Variants in RBFOX1 observed in about 807,000 individuals in gnomAD.
RBFOX1 encodes the protein RNA binding fox-1 homolog 1.
Under a neutral mutation model 57.7 loss-of-function variants are expected in RBFOX1, and 8 were observed. The ratio of observed to expected loss-of-function variants is 0.14; its 90% CI spans 0.08 to 0.25. The LOEUF is 0.25. RBFOX1 is among the 10% of genes least tolerant of loss of function. RBFOX1 has a pLI of 1.00. For missense variants in RBFOX1, 611 were observed against 548.5 expected (o/e 1.11, Z -1.14); for synonymous variants, 326 against 222.4 (o/e 1.47, Z -4.15).
chr16:5,982,911 G>A (rs2060202202), intron 4 of RBFOX1, among the ~76,000 whole-genome samples: 1 of 152,192 alleles, frequency 6.6e-6, no homozygotes, highest in Admixed American at 6.5e-5. Flanking sequence ...TGAATCATGA[G>A]TGAATGAATG....
At chr16:6,330,947 A>G (rs2082948817) in intron 2 of RBFOX1, among the ~76,000 whole-genome samples, 3 of 152,186 alleles carry the variant, frequency 2.0e-5, no homozygotes, top group South Asian at 4.1e-4. Flanking sequence ...CTAGAAGGGG[A>G]CATAGGATGG....
In RBFOX1 at chr16:7,519,801, T is replaced by G. The variant is rs949435078; in HGVS notation, c.270+1412T>G. 4.8e-6 allele frequency: 4 copies of G among 837,078 alleles called. No homozygotes were observed. The African/African-American group carries it at 7.4e-5, about 15-fold the overall frequency. 51.9% of individuals were successfully genotyped at this position (837,078 alleles called of 1,614,324 possible). A position where few individuals can be genotyped will look rare whatever the true frequency, so the allele number is the denominator to read the frequency against. Reference sequence around the variant, plus strand: ...TTTATGGCTTTGAAGCATGATACATTTCCTGTGATAAAAGAAAACACTGAC... The same window carrying G: ...TTTATGGCTTTGAAGCATGATACATGTCCTGTGATAAAAGAAAACACTGAC... On this transcript the variant is annotated intron_variant, in intron 5 of 15. Transcript: ENST00000550418.
At chr16:5,723,436 T>A (rs879121680) in intron 3 of RBFOX1, among the ~76,000 whole-genome samples, 2 of 86,290 alleles carry the variant, frequency 2.3e-5, no homozygotes, top group African/African-American at 6.9e-5. Flanking sequence ...AGGTCTGATT[T>A]TGAGACCTTT....
At chr16:5,536,081 C>T (rs1265261423) in intron 2 of RBFOX1, among the ~76,000 whole-genome samples, 1 of 144,702 alleles carries the variant, frequency 6.9e-6, no homozygotes, top group African/African-American at 2.6e-5. Context: ...GCTGAGAAGT[C>T]CCCAAGTCAT....
intron 2 of RBFOX1, among the ~76,000 whole-genome samples, chr16:6,386,448 G>T (rs1178441116): frequency 6.6e-6 from 1 of 152,120 alleles, no homozygotes; most frequent in Non-Finnish European, 1.5e-5. Flanking sequence ...TCCTCCATTT[G>T]TTCATCCAAA....
At chr16:6,983,489 G>C (rs915585884) in intron 3 of RBFOX1, 2 of 151,194 alleles carry the variant, frequency 1.3e-5, no homozygotes, top group African/African-American at 4.9e-5. Flanking sequence ...TGAAAAGGAA[G>C]CGCTTACTTC....
intron 4 of RBFOX1, among the ~76,000 whole-genome samples, chr16:7,067,396 C>A (rs192539938): frequency 6.6e-6 from 1 of 150,922 alleles, no homozygotes; most frequent in Non-Finnish European, 1.5e-5. Context: ...TGAAGTAAAA[C>A]TGAAATGTCG....
chr16:6,115,304 C>T (rs888072191), intron 1 of RBFOX1, among the ~76,000 whole-genome samples: 2 of 152,056 alleles, frequency 1.3e-5, no homozygotes, highest in East Asian at 3.9e-4. Flanking sequence ...TTTCACTGCC[C>T]CTTAGAATGT....
intron 5 of RBFOX1, among the ~76,000 whole-genome samples, chr16:7,548,599 G>A (rs1248729384): frequency 6.6e-6 from 1 of 152,242 alleles, no homozygotes; most frequent in East Asian, 1.9e-4. Flanking sequence ...CACACATGCG[G>A]TTGCACGGAT....
At chr16:6,614,762 A>T (rs979966055) in intron 2 of RBFOX1, among the ~76,000 whole-genome samples, 3 of 151,892 alleles carry the variant, frequency 2.0e-5, no homozygotes, top group African/African-American at 7.3e-5. Flanking sequence ...TCTGTCTCTG[A>T]CTTCACATGG....
At chr16:7,102,964 G>T (rs1478701951) in intron 4 of RBFOX1, among the ~76,000 whole-genome samples, 1 of 151,890 alleles carries the variant, frequency 6.6e-6, no homozygotes, top group African/African-American at 2.4e-5. Flanking sequence ...TTGTGAGCTT[G>T]AGACTAGCTC....
At chr16:5,765,607 T>C (rs2151658307) in intron 3 of RBFOX1, among the ~76,000 whole-genome samples, 1 of 152,328 alleles carries the variant, frequency 6.6e-6, no homozygotes, top group South Asian at 2.1e-4. Context: ...AGCAGGTGGC[T>C]GCTATGGATT....
At chr16:7,402,424 T>G (rs765519625) in intron 4 of RBFOX1, among the ~76,000 whole-genome samples, 4 of 152,216 alleles carry the variant, frequency 2.6e-5, no homozygotes, top group Admixed American at 6.5e-5. Flanking sequence ...AAAGTGGTCT[T>G]AAATAAAATT....
intron 2 of RBFOX1, among the ~76,000 whole-genome samples, chr16:6,470,090 C>T (rs754021082): frequency 2.0e-5 from 3 of 152,186 alleles, no homozygotes; most frequent in South Asian, 2.1e-4. Context: ...AACCAGAATG[C>T]TTTGCCACTG....
intron 3 of RBFOX1, among the ~76,000 whole-genome samples, chr16:6,804,168 C>T (rs2086159615): frequency 6.6e-6 from 1 of 151,988 alleles, no homozygotes; most frequent in Non-Finnish European, 1.5e-5. Context: ...CCACCATGCC[C>T]AGCTAACTTG....
intron 1 of RBFOX1, among the ~76,000 whole-genome samples, chr16:5,249,784 C>A (rs542887305): frequency 2.6e-5 from 4 of 152,198 alleles, no homozygotes; most frequent in Non-Finnish European, 4.4e-5. Flanking sequence ...AATAGTGAAA[C>A]CCTGTCTCTA....
chr16:7,624,845 C>G (rs1018492051), intron 10 of RBFOX1, among the ~76,000 whole-genome samples: 2 of 152,130 alleles, frequency 1.3e-5, no homozygotes, highest in Non-Finnish European at 2.9e-5. Flanking sequence ...GTTCTGATGA[C>G]TGGAGAAATG....
intron 4 of RBFOX1, among the ~76,000 whole-genome samples, chr16:5,959,345 G>C (rs1360212114): frequency 6.6e-6 from 1 of 152,176 alleles, no homozygotes; most frequent in Non-Finnish European, 1.5e-5. Flanking sequence ...TCAGTTGTCT[G>C]TCTGGAGAGA....
At chr16:6,707,815 G>A (rs2063034899) in intron 3 of RBFOX1, among the ~76,000 whole-genome samples, 1 of 152,100 alleles carries the variant, frequency 6.6e-6, no homozygotes, top group Non-Finnish European at 1.5e-5. Context: ...TGTTCAATTT[G>A]CATCCGCCTT....
Sources: gnomAD v4.1 joint callset for allele counts (sites outside exome capture counted in the v4.1 genomes callset) on GRCh38, gnomAD v4.1.1 for gene constraint, MANE v1.5 for transcripts, NCBI Gene and HGNC (gene_info 2026-07-23, HGNC 2026-07-21) for gene names.